Variants in ABCG2 observed in about 807,000 individuals in gnomAD.
ABCG2 encodes broad substrate specificity ATP-binding cassette transporter ABCG2.
ABCG2 carries 80 observed loss-of-function variants against 73.5 expected under a neutral mutation model. That is an observed-to-expected ratio of 1.09 (90% CI 0.91 to 1.31). The LOEUF is 1.31. Ranked by LOEUF, ABCG2 falls within the 50% of genes most tolerant of loss-of-function variation. The pLI is 0.00. For missense variants in ABCG2, 796 were observed against 786.2 expected (o/e 1.01, Z -0.15); for synonymous variants, 269 against 282.4 (o/e 0.95, Z 0.48).
chr4:88,176,386 C>G (rs990122450), intron 1 of ABCG2, among the ~76,000 whole-genome samples: 1 of 151,480 alleles, frequency 6.6e-6, no homozygotes, highest in Non-Finnish European at 1.5e-5. Context: ...TTATTTATCT[C>G]ATGTCATCTT....
chr4:88,228,901 A>G (rs924894234), intron 1 of ABCG2, among the ~76,000 whole-genome samples: 1 of 123,802 alleles, frequency 8.1e-6, no homozygotes, highest in African/African-American at 2.8e-5. Context: ...TGCACCAATC[A>G]GCACTCTGTC....
At position 88,157,851 on chromosome 4, in the gene ABCG2, T is replaced by G. The variant is rs143054817; in HGVS notation, c.-20+535A>C. On this transcript the variant is annotated intron_variant, in intron 1 of 15. Coordinates refer to ENST00000237612, the MANE Select transcript of ABCG2 (RefSeq NM_004827.3). The stretch of plus-strand genomic sequence containing the variant: ...CCTAAAAACCAAGCTTTAGGGGATA[T>G]CTCTAGGACTGAGAAGGGAGTAAGA... 2.3e-3 allele frequency among the ~76,000 whole-genome samples: 350 copies of G among 152,302 alleles called. 1 individual carries two copies. Among genetic ancestry groups the G allele is most frequent in the African/African-American group, 8.0e-3 (333 of 41,560 alleles).
intron 5 of ABCG2, among the ~76,000 whole-genome samples, chr4:88,124,960 T>A (rs1724281437): frequency 6.6e-6 from 1 of 152,170 alleles, no homozygotes; most frequent in African/African-American, 2.4e-5. Context: ...CAACAGTCTG[T>A]CAGACCACAT....
At chr4:88,218,001 C>T (rs994434267) in intron 1 of ABCG2, among the ~76,000 whole-genome samples, 2 of 150,006 alleles carry the variant, frequency 1.3e-5, no homozygotes, top group Admixed American at 6.7e-5. Flanking sequence ...AAGGAACACA[C>T]GAGTGTGAGA....
At chr4:88,194,614 A>T (rs895314409) in intron 1 of ABCG2, among the ~76,000 whole-genome samples, 1 of 146,178 alleles carries the variant, frequency 6.8e-6, no homozygotes, top group Non-Finnish European at 1.5e-5. Flanking sequence ...TGAAATTGCT[A>T]TACTGTCTTT....
rs779287137 is a variant in ABCG2, at chr4:88,094,531, A to G, written c.1820+46T>C. On this transcript the variant is annotated intron_variant, in intron 15 of 15. Transcript: ENST00000237612. Reference sequence around the variant, plus strand: ...AAGCCCAGTAGCCTTTATACATCACACCATGGTAGTAACAAAACCCATTTT... The same window carrying G: ...AAGCCCAGTAGCCTTTATACATCACGCCATGGTAGTAACAAAACCCATTTT... 2.6e-6 allele frequency: 4 copies of G among 1,517,324 alleles called. No homozygotes were observed. In the East Asian group the frequency reaches 9.0e-5, roughly 34 times the overall value. The allele number at this position is 1,517,324 out of a possible 1,614,324, so 94.0% of individuals were successfully genotyped here. A position where few individuals can be genotyped will look rare whatever the true frequency, so the allele number is the denominator to read the frequency against.
intron 2 of ABCG2, among the ~76,000 whole-genome samples, chr4:88,139,033 C>G (rs533350161): frequency 1.3e-5 from 2 of 150,830 alleles, no homozygotes; most frequent in African/African-American, 4.9e-5. Context: ...CCCAGCTACT[C>G]GGGAGGCTGA....
chr4:88,227,298 A>C (rs1730259390), intron 1 of ABCG2, among the ~76,000 whole-genome samples: 1 of 152,096 alleles, frequency 6.6e-6, no homozygotes, highest in African/African-American at 2.4e-5. Context: ...AGGGAGGCTA[A>C]GACAGGAGAA....
intron 1 of ABCG2, among the ~76,000 whole-genome samples, chr4:88,209,937 C>T (rs1043375614): frequency 9.2e-5 from 14 of 152,218 alleles, no homozygotes; most frequent in African/African-American, 3.4e-4. Flanking sequence ...CCCCAGTTGT[C>T]AGTTATTTTT....
chr4:88,200,651 T>C (rs1263060542), intron 1 of ABCG2, among the ~76,000 whole-genome samples: 1 of 152,126 alleles, frequency 6.6e-6, no homozygotes, highest in Non-Finnish European at 1.5e-5. Flanking sequence ...TAGCTTGGAC[T>C]ACAGGTGCCT....
Position 88,171,021 on chromosome 4 carries a change from G to C in ABCG2, c.-19-31007C>G, listed in dbSNP as rs538877569. On this transcript the variant is annotated intron_variant, in intron 1 of 15. Coordinates refer to the ABCG2 transcript ENST00000515655. ...TCCTTAGTAAACTAACGCAGGAACAGAAAACCAAATATCACATGTTCTCAC... is the reference window on the plus strand; with the variant it reads ...TCCTTAGTAAACTAACGCAGGAACACAAAACCAAATATCACATGTTCTCAC... 3.9e-5 allele frequency among the ~76,000 whole-genome samples: 6 copies of C among 152,250 alleles called. No individual in the cohort carries two copies. In the East Asian group the frequency reaches 9.6e-4, roughly 24 times the overall value.
rs72552713 is a variant in ABCG2 at position 88,131,805 on chromosome 4, G to A, written c.376C>T (p.Gln126Ter). Residue 126 changes from glutamine to a stop codon, truncating the protein, a stop_gained and splice_region_variant, in exon 4 of 16, where the codon CAA (glutamine) becomes TAA (stop). Coordinates refer to ENST00000237612, the MANE Select transcript of ABCG2 (RefSeq NM_004827.3). LOFTEE classifies it high-confidence loss of function. ...NFKCNSGYVV[Q>*]DDVVMGTLTV... ...AATGCAAACCCACTAATACTTACTTGTACCACGTAACCTGAATTACATTTG... is the reference window on the plus strand; with the variant it reads ...AATGCAAACCCACTAATACTTACTTATACCACGTAACCTGAATTACATTTG... The A allele has an allele frequency of 3.8e-4, 607 of 1,611,534 alleles. 9 individuals carry two copies. The East Asian group carries it at 0.013, about 35-fold the overall frequency.
chr4:88,158,986 G>A (rs914723973), upstream of ABCG2: 2 of 359,558 alleles, frequency 5.6e-6, no homozygotes, highest in African/African-American at 4.4e-5. Flanking sequence ...CCCGACTGCC[G>A]GGCCGCGATA....
At chr4:88,168,117 G>C (rs1424647191) in intron 1 of ABCG2, among the ~76,000 whole-genome samples, 1 of 152,124 alleles carries the variant, frequency 6.6e-6, no homozygotes. Context: ...AGATGCTGGA[G>C]CCAGAACACC....
intron 1 of ABCG2, among the ~76,000 whole-genome samples, chr4:88,225,732 A>G (rs7687799): frequency 0.99 from 151,394 of 152,246 alleles, 75,278 homozygotes; most frequent in East Asian, 1. Flanking sequence ...GTATTAGTCC[A>G]TTCCCACACT....
chr4:88,111,447 C>A (rs555716120), intron 9 of ABCG2, among the ~76,000 whole-genome samples: 6 of 152,112 alleles, frequency 3.9e-5, no homozygotes, highest in Non-Finnish European at 8.8e-5. Flanking sequence ...ACTAGGGATA[C>A]AAGCTCTTAG....
At chr4:88,180,621 A>G (rs979889098) in intron 1 of ABCG2, among the ~76,000 whole-genome samples, 4 of 152,142 alleles carry the variant, frequency 2.6e-5, no homozygotes, top group African/African-American at 9.7e-5. Context: ...GGTGGTGTGC[A>G]CCTGTAGTAG....
intron 1 of ABCG2, among the ~76,000 whole-genome samples, chr4:88,208,549 T>C (rs1729465829): frequency 6.6e-6 from 1 of 152,166 alleles, no homozygotes; most frequent in African/African-American, 2.4e-5. Flanking sequence ...AGAAAGCAAG[T>C]GTGTGACCCA....
intron 1 of ABCG2, among the ~76,000 whole-genome samples, chr4:88,168,266 A>G (rs1404417015): frequency 6.6e-6 from 1 of 152,180 alleles, no homozygotes; most frequent in African/African-American, 2.4e-5. Context: ...AAGCGGGTGG[A>G]TCATGAGGTT....
Sources: allele counts gnomAD v4.1 joint callset (sites outside exome capture counted in the v4.1 genomes callset), GRCh38; gene constraint gnomAD v4.1.1; transcripts MANE v1.5; gene names NCBI Gene and HGNC (gene_info 2026-07-23, HGNC 2026-07-21).